SLC71A1: variants seen among roughly 807,000 people sequenced by gnomAD.
The protein encoded by SLC71A1 is solute carrier family 71 member 1.
chr1:100,066,988 CAAAAA>C, the SLC71A1 span, among the ~76,000 whole-genome samples: 157 of 69,294 alleles, frequency 2.3e-3, no homozygotes, highest in African/African-American at 8.3e-3. Flanking sequence ...GACTCCGTCT[CAAAAA>C]AAAAAAAAAA....
At chr1:100,077,029 T>G in the SLC71A1 span, 1 of 582,958 alleles carries the variant, frequency 1.7e-6, no homozygotes, top group South Asian at 2.4e-5. Flanking sequence ...ACTAGTGATC[T>G]CAGACATATT....
the SLC71A1 span, chr1:100,081,957 G>T: frequency 6.9e-7 from 1 of 1,451,288 alleles, no homozygotes; most frequent in Non-Finnish European, 9.7e-7. Context: ...CTCCTTATGA[G>T]TAAAAGTATT....
the SLC71A1 span, among the ~76,000 whole-genome samples, chr1:100,065,964 C>T: frequency 3.9e-5 from 6 of 152,090 alleles, no homozygotes; most frequent in African/African-American, 1.4e-4. Flanking sequence ...GGTGCCACCT[C>T]ACCTGACTAA....
the SLC71A1 span, among the ~76,000 whole-genome samples, chr1:100,063,234 G>A: frequency 6.6e-6 from 1 of 151,858 alleles, no homozygotes; most frequent in Non-Finnish European, 1.5e-5. Flanking sequence ...TTTCAATCTG[G>A]AGGTTCTGTG....
the SLC71A1 span, among the ~76,000 whole-genome samples, chr1:100,063,262 G>A: frequency 7.2e-6 from 1 of 138,064 alleles, no homozygotes; most frequent in African/African-American, 2.9e-5. Context: ...CCATGTTCTG[G>A]CAAAAAACAA....
At chr1:100,040,429 T>TA in the SLC71A1 span, among the ~76,000 whole-genome samples, 2 of 152,186 alleles carry the variant, frequency 1.3e-5, no homozygotes, top group Non-Finnish European at 2.9e-5. Flanking sequence ...CCTCTCTACT[T>TA]ACAATAGTTC....
the SLC71A1 span, among the ~76,000 whole-genome samples, chr1:100,045,214 T>A: frequency 2.0e-5 from 3 of 152,228 alleles, no homozygotes; most frequent in African/African-American, 7.2e-5. Context: ...ATCTTTCACT[T>A]CCTTGGTTAA....
chr1:100,080,966 A>G, the SLC71A1 span, among the ~76,000 whole-genome samples: 1 of 152,242 alleles, frequency 6.6e-6, no homozygotes, highest in African/African-American at 2.4e-5. Context: ...GTGTATGTTA[A>G]CTAACTTTTC....
At chr1:100,040,702 C>T in the SLC71A1 span, among the ~76,000 whole-genome samples, 1 of 152,194 alleles carries the variant, frequency 6.6e-6, no homozygotes, top group African/African-American at 2.4e-5. Context: ...CCTCATGATT[C>T]ACCCACCTTG....
the SLC71A1 span, chr1:100,068,422 C>A: frequency 8.1e-7 from 1 of 1,234,710 alleles, no homozygotes; most frequent in Non-Finnish European, 1.2e-6. Context: ...AAGAATAGTT[C>A]AGTGGTTTTG....
the SLC71A1 span, chr1:100,080,594 A>G: frequency 1.9e-6 from 3 of 1,614,064 alleles, no homozygotes; most frequent in Non-Finnish European, 2.5e-6. Context: ...TGTGGAACTT[A>G]AAGAACTGCC....
At chr1:100,071,289 CAAAAAAAAAAAAAAAA>C in the SLC71A1 span, among the ~76,000 whole-genome samples, 2 of 53,342 alleles carry the variant, frequency 3.7e-5, no homozygotes, top group Non-Finnish European at 6.9e-5. Flanking sequence ...CCATCTCTAC[CAAAAAAAAAAAAAAAA>C]AAAAAAAAAA....
the SLC71A1 span, among the ~76,000 whole-genome samples, chr1:100,071,903 T>C: frequency 6.6e-6 from 1 of 152,074 alleles, no homozygotes; most frequent in African/African-American, 2.4e-5. Flanking sequence ...AGGAATGTAG[T>C]TGGATTTGTA....
At chr1:100,039,606 G>A in the SLC71A1 span, among the ~76,000 whole-genome samples, 471 of 152,188 alleles carry the variant, frequency 3.1e-3, 1 homozygote, top group Non-Finnish European at 5.7e-3. Flanking sequence ...TGATTAGATC[G>A]GTTATGAAGA....
chr1:100,077,023 G>A, the SLC71A1 span: 2 of 573,810 alleles, frequency 3.5e-6, no homozygotes, highest in Non-Finnish European at 6.1e-6. Flanking sequence ...ACCTGGACTA[G>A]TGATCTCAGA....
At chr1:100,074,382 C>G in the SLC71A1 span, among the ~76,000 whole-genome samples, 1 of 152,112 alleles carries the variant, frequency 6.6e-6, no homozygotes, top group African/African-American at 2.4e-5. Flanking sequence ...CGAGACCAGC[C>G]TGGCCAACAT....
At chr1:100,065,202 T>C in the SLC71A1 span, among the ~76,000 whole-genome samples, 1 of 152,186 alleles carries the variant, frequency 6.6e-6, no homozygotes, top group Non-Finnish European at 1.5e-5. Flanking sequence ...CTGTGTAGTG[T>C]ATTCTTATCC....
At chr1:100,048,513 G>A in the SLC71A1 span, among the ~76,000 whole-genome samples, 2 of 152,048 alleles carry the variant, frequency 1.3e-5, no homozygotes, top group Non-Finnish European at 2.9e-5. Flanking sequence ...ATATTACTAT[G>A]CTTGTTCCAT....
the SLC71A1 span, chr1:100,059,928 T>C: frequency 1.2e-6 from 2 of 1,613,390 alleles, no homozygotes; most frequent in South Asian, 1.1e-5. Flanking sequence ...TTTCTGATGT[T>C]TGGGGCCGAA....
Sources: allele counts gnomAD v4.1 joint callset (sites outside exome capture counted in the v4.1 genomes callset), GRCh38; gene constraint gnomAD v4.1.1; transcripts MANE v1.5; gene names NCBI Gene and HGNC (gene_info 2026-07-23, HGNC 2026-07-21).